The following DACH1 variants were observed in gnomAD, a reference collection of about 807,000 sequenced individuals.
DACH1 encodes the protein dachshund homolog 1.
DACH1 carries 12 observed loss-of-function variants against 54.2 expected under a neutral mutation model. The observed-to-expected ratio is 0.22, with a 90% CI of 0.14 to 0.36. The LOEUF is 0.36. Ranked by LOEUF, DACH1 falls within the 10% of genes least tolerant of loss-of-function variation. The pLI is 1.00. For synonymous variants in DACH1, 386 were observed against 366.2 expected (o/e 1.05, Z -0.62); for missense variants, 805 against 929.8 (o/e 0.87, Z 1.75).
chr13:71,614,805 G>A (rs1261947891), intron 3 of DACH1, among the ~76,000 whole-genome samples: 1 of 136,712 alleles, frequency 7.3e-6, no homozygotes, highest in Non-Finnish European at 1.5e-5. Flanking sequence ...AGTGAGCCGT[G>A]ATTGCACCAT....
intron 6 of DACH1, among the ~76,000 whole-genome samples, chr13:71,518,173 A>G (rs1380691641): frequency 2.0e-5 from 3 of 151,848 alleles, no homozygotes; most frequent in Non-Finnish European, 4.4e-5. Context: ...TAGAACCTTG[A>G]AAGATGTAAC....
intron 4 of DACH1, among the ~76,000 whole-genome samples, chr13:71,567,573 G>C (rs1420563790): frequency 6.6e-6 from 1 of 151,868 alleles, no homozygotes; most frequent in African/African-American, 2.4e-5. Context: ...TACTTGGAGA[G>C]AAAACAAAAT....
intron 6 of DACH1, among the ~76,000 whole-genome samples, chr13:71,549,026 C>A (rs1883637460): frequency 1.3e-5 from 2 of 151,898 alleles, no homozygotes; most frequent in Admixed American, 6.6e-5. Context: ...AGATCACTTC[C>A]ATACTAGACT....
At chr13:71,771,413 C>A (rs1885849591) in intron 1 of DACH1, among the ~76,000 whole-genome samples, 1 of 151,284 alleles carries the variant, frequency 6.6e-6, no homozygotes, top group Admixed American at 6.6e-5. Flanking sequence ...ACAAGTCGGC[C>A]ACGAAATTGT....
intron 10 of DACH1, among the ~76,000 whole-genome samples, chr13:71,449,258 G>A (rs952136708): frequency 6.6e-6 from 1 of 152,012 alleles, no homozygotes; most frequent in East Asian, 1.9e-4. Flanking sequence ...CCTGGAAGGC[G>A]GAGATTGCAG....
chr13:71,682,494 T>C (rs966251627), intron 1 of DACH1, among the ~76,000 whole-genome samples: 1 of 152,200 alleles, frequency 6.6e-6, no homozygotes, highest in African/African-American at 2.4e-5. Context: ...GATATCTAGA[T>C]GATAAATGAC....
Position 71,740,006 on chromosome 13 carries a change from T to G in DACH1, c.849-58096A>C, listed in dbSNP as rs1260453611. Among the ~76,000 whole-genome samples the G allele has an allele frequency of 3.9e-5, 6 of 152,336 alleles. No homozygotes were observed. The East Asian group carries it at 1.2e-3, about 29-fold the overall frequency. On this transcript the variant is annotated intron_variant, in intron 1 of 10. Coordinates refer to ENST00000613252, the MANE Select transcript of DACH1 (RefSeq NM_080759.6). ...ATATAAACACAGGACTAAAATTGGT[T>G]TAAGAATTTCAAAACCATTCCTCAT...
At chr13:71,861,655 G>A (rs1044285694) in intron 1 of DACH1, among the ~76,000 whole-genome samples, 6 of 151,846 alleles carry the variant, frequency 4.0e-5, no homozygotes, top group African/African-American at 1.4e-4. Flanking sequence ...TATAAAATGA[G>A]ACATTAGGCG....
intron 7 of DACH1, among the ~76,000 whole-genome samples, chr13:71,488,107 C>T (rs999411421): frequency 6.6e-6 from 1 of 152,064 alleles, no homozygotes; most frequent in African/African-American, 2.4e-5. Context: ...AAATTAATTA[C>T]ATTTCCACTG....
intron 6 of DACH1, among the ~76,000 whole-genome samples, chr13:71,518,679 A>AT: frequency 6.6e-6 from 1 of 151,840 alleles, no homozygotes; most frequent in African/African-American, 2.4e-5. Flanking sequence ...TCAGTTTTCA[A>AT]TTTTTTTGAA....
intron 1 of DACH1, among the ~76,000 whole-genome samples, chr13:71,739,975 G>A (rs1044388920): frequency 2.2e-4 from 33 of 152,068 alleles, no homozygotes; most frequent in African/African-American, 7.7e-4. Flanking sequence ...TAAAGTAAAA[G>A]ACACAATATA....
At chr13:71,441,853 T>A (rs1020025022) in intron 10 of DACH1, among the ~76,000 whole-genome samples, 12 of 152,094 alleles carry the variant, frequency 7.9e-5, no homozygotes, top group Admixed American at 5.9e-4. Flanking sequence ...TATATATTCC[T>A]CTCATTTTTT....
intron 1 of DACH1, among the ~76,000 whole-genome samples, chr13:71,806,557 G>A (rs1288162344): frequency 1.3e-5 from 2 of 152,102 alleles, no homozygotes; most frequent in Non-Finnish European, 2.9e-5. Flanking sequence ...AAAGACTTAA[G>A]TACAAAAATT....
At chr13:71,710,304 G>A (rs1463933139) in intron 1 of DACH1, among the ~76,000 whole-genome samples, 1 of 151,966 alleles carries the variant, frequency 6.6e-6, no homozygotes, top group Non-Finnish European at 1.5e-5. Context: ...CCATCTCAAG[G>A]ACTTTTCATC....
chr13:71,683,623 T>C (rs1446733425), intron 1 of DACH1, among the ~76,000 whole-genome samples: 1 of 152,098 alleles, frequency 6.6e-6, no homozygotes, highest in African/African-American at 2.4e-5. Context: ...ATAGGGATAT[T>C]GTCGTGCTTA....
intron 3 of DACH1, chr13:71,573,430 G>A: frequency 1.4e-6 from 1 of 716,682 alleles, no homozygotes; most frequent in Non-Finnish European, 2.6e-6. Context: ...TTTGGCAGAA[G>A]GTGGCTCTGC....
intron 1 of DACH1, among the ~76,000 whole-genome samples, chr13:71,840,097 C>A (rs1266613857): frequency 6.6e-6 from 1 of 152,048 alleles, no homozygotes; most frequent in Non-Finnish European, 1.5e-5. Flanking sequence ...CAGGTGCGCA[C>A]CACCACACCC....
chr13:71,791,521 C>T (rs1391008345), intron 1 of DACH1, among the ~76,000 whole-genome samples: 1 of 152,134 alleles, frequency 6.6e-6, no homozygotes, highest in African/African-American at 2.4e-5. Context: ...GCTGGGCTTA[C>T]AGGCACATAC....
intron 1 of DACH1, among the ~76,000 whole-genome samples, chr13:71,696,983 A>C (rs1347294584): frequency 6.6e-6 from 1 of 152,152 alleles, no homozygotes; most frequent in East Asian, 1.9e-4. Context: ...AATGCTCTTC[A>C]GTCAAACATC....
Sources: gnomAD v4.1 joint callset for allele counts (sites outside exome capture counted in the v4.1 genomes callset) on GRCh38, gnomAD v4.1.1 for gene constraint, MANE v1.5 for transcripts, NCBI Gene and HGNC (gene_info 2026-07-23, HGNC 2026-07-21) for gene names.